The following ATP6V1H variants were observed in gnomAD, a reference collection of about 807,000 sequenced individuals.
The protein encoded by ATP6V1H is V-type proton ATPase subunit H.
Under a neutral mutation model 71.7 loss-of-function variants are expected in ATP6V1H, and 39 were observed. That is an observed-to-expected ratio of 0.54 (90% CI 0.42 to 0.71). The LOEUF is 0.71. ATP6V1H is among the 30% of genes least tolerant of loss of function. The pLI, the probability that ATP6V1H is intolerant of heterozygous loss-of-function variation, is 0.00. For missense variants in ATP6V1H, 509 were observed against 594.9 expected (o/e 0.86, Z 1.50); for synonymous variants, 192 against 199.3 (o/e 0.96, Z 0.31).
chr8:53,745,186 G>A (rs1368242262), intron 12 of ATP6V1H, among the ~76,000 whole-genome samples: 1 of 152,104 alleles, frequency 6.6e-6, no homozygotes, highest in Non-Finnish European at 1.5e-5. Flanking sequence ...CTTGAGCCCA[G>A]GAGTTCGAGA....
At chr8:53,775,362 G>A (rs545030576) in intron 9 of ATP6V1H, among the ~76,000 whole-genome samples, 1 of 152,222 alleles carries the variant, frequency 6.6e-6, no homozygotes, top group African/African-American at 2.4e-5. Flanking sequence ...AAGGGGACCG[G>A]AGCGGGTTGC....
In ATP6V1H at chr8:53,774,146, C is replaced by G. The variant is rs151201099; in HGVS notation, c.871-1979G>C. On this transcript the variant is annotated intron_variant, in intron 9 of 13. Transcript: ENST00000359530. ...TGGCTGCAAGTTTCCCAAATTCAAT[C>G]TCAGAGAAATTTTCAGACACAAGAT... Among the ~76,000 whole-genome samples the G allele has an allele frequency of 2.2e-3, 339 of 152,312 alleles. 2 individuals carry two copies. Among genetic ancestry groups the G allele is most frequent in the African/African-American group, 7.9e-3 (328 of 41,562 alleles).
At chr8:53,767,504 T>C (rs1808510119) in intron 11 of ATP6V1H, among the ~76,000 whole-genome samples, 1 of 152,174 alleles carries the variant, frequency 6.6e-6, no homozygotes, top group South Asian at 2.1e-4. Flanking sequence ...TAGAGACTCA[T>C]TAAATAAAGA....
At chr8:53,720,476 T>A (rs1202294765) in intron 13 of ATP6V1H, among the ~76,000 whole-genome samples, 2 of 152,260 alleles carry the variant, frequency 1.3e-5, no homozygotes, top group African/African-American at 4.8e-5. Context: ...GCTTCTATTC[T>A]GCTAGGAGCT....
chr8:53,744,948 T>C (rs1807547839), intron 12 of ATP6V1H, among the ~76,000 whole-genome samples: 1 of 152,210 alleles, frequency 6.6e-6, no homozygotes, highest in African/African-American at 2.4e-5. Flanking sequence ...ATAAAGCCTA[T>C]GTCCCTGCAG....
intron 9 of ATP6V1H, among the ~76,000 whole-genome samples, chr8:53,776,266 C>T (rs1808886575): frequency 6.6e-6 from 1 of 152,196 alleles, no homozygotes; most frequent in Non-Finnish European, 1.5e-5. Flanking sequence ...CCCTAGTTCC[C>T]GCTCGTGCCT....
At chr8:53,738,625 A>G (rs1807311089) in intron 13 of ATP6V1H, among the ~76,000 whole-genome samples, 1 of 152,226 alleles carries the variant, frequency 6.6e-6, no homozygotes, top group Non-Finnish European at 1.5e-5. Context: ...AATTGATTTT[A>G]TGTTTAATTA....
rs566526585 is a variant in ATP6V1H, at chr8:53,838,409, G to A, written c.113+3169C>T. On this transcript the variant is annotated intron_variant, in intron 2 of 13. Coordinates refer to ENST00000359530, the MANE Select transcript of ATP6V1H (RefSeq NM_015941.4). Reference sequence around the variant, plus strand: ...GCTGGGATTACAGGCGTGAGCCACCGCGCCTGGCCACCTGTGAGTGTCTTT... The same window carrying A: ...GCTGGGATTACAGGCGTGAGCCACCACGCCTGGCCACCTGTGAGTGTCTTT... 2.3e-3 allele frequency among the ~76,000 whole-genome samples: 344 copies of A among 152,212 alleles called. 2 individuals are homozygous for A. The highest frequency in any genetic ancestry group is 7.8e-3 in the African/African-American group (324 of 41,530).
chr8:53,772,915 A>AC (rs1201919725), intron 9 of ATP6V1H, among the ~76,000 whole-genome samples: 2 of 151,552 alleles, frequency 1.3e-5, no homozygotes, highest in African/African-American at 4.9e-5. Flanking sequence ...AAAAAAAAAA[A>AC]AAAAAAACAA....
At chr8:53,742,578 T>A (rs773368828) in intron 13 of ATP6V1H, among the ~76,000 whole-genome samples, 1 of 152,188 alleles carries the variant, frequency 6.6e-6, no homozygotes, top group Admixed American at 6.5e-5. Context: ...GGGTACAGAT[T>A]TGTACACTTA....
intron 13 of ATP6V1H, among the ~76,000 whole-genome samples, chr8:53,734,055 A>G (rs1172174948): frequency 6.6e-6 from 1 of 152,112 alleles, no homozygotes; most frequent in Admixed American, 6.5e-5. Flanking sequence ...AGATAAACTG[A>G]CTCTTGGGCA....
At chr8:53,809,652 A>C (rs1306440541) in intron 7 of ATP6V1H, among the ~76,000 whole-genome samples, 1 of 152,230 alleles carries the variant, frequency 6.6e-6, no homozygotes. Context: ...ATGTCAGCAG[A>C]GTTTGCATTT....
Position 53,801,835 on chromosome 8 carries a change from T to C in ATP6V1H, c.641A>G (p.Tyr214Cys). The C allele has an allele frequency of 1.9e-6, 3 of 1,613,990 alleles. No homozygotes were observed. Among genetic ancestry groups the C allele is most frequent in the South Asian group, 2.2e-5 (2 of 91,068 alleles). The change falls in exon 8 of 14, where the codon TAC (tyrosine) becomes TGC (cysteine). Residue 214 changes from tyrosine (Y) to cysteine (C), a missense_variant. Tyr to Cys is a radical substitution (Grantham distance 194). Coordinates refer to ENST00000359530, the MANE Select transcript of ATP6V1H (RefSeq NM_015941.4). ...CLQLMLRVNE[Y>C]RFAWVEADGV... ...ATCTGCTTCCACCCAAGCAAAGCGG[T>C]ACTCATTGACCCGGAGCATCAGCTG... is the stretch of plus-strand genomic sequence containing the variant.
intron 13 of ATP6V1H, among the ~76,000 whole-genome samples, chr8:53,742,811 A>G (rs1807461779): frequency 6.6e-6 from 1 of 152,192 alleles, no homozygotes; most frequent in African/African-American, 2.4e-5. Context: ...CATTACTGTC[A>G]GTTACAAGCA....
At chr8:53,815,611 G>A (rs1270164593) in intron 5 of ATP6V1H, among the ~76,000 whole-genome samples, 1 of 152,146 alleles carries the variant, frequency 6.6e-6, no homozygotes, top group African/African-American at 2.4e-5. Flanking sequence ...TACAACATAG[G>A]GACTAATGGG....
chr8:53,786,495 C>T (rs1452896553), intron 9 of ATP6V1H, among the ~76,000 whole-genome samples: 1 of 152,104 alleles, frequency 6.6e-6, no homozygotes, highest in East Asian at 1.9e-4. Flanking sequence ...CCGGGTGAGG[C>T]GATGCCTCAC....
intron 12 of ATP6V1H, among the ~76,000 whole-genome samples, chr8:53,756,069 C>CTTTTTTTTTTTT (rs199967847): frequency 5.2e-5 from 5 of 96,576 alleles, no homozygotes; most frequent in South Asian, 7.2e-4. Flanking sequence ...TTTTTCTTTT[C>CTTTTTTTTTTTT]TTTTTTTTTT....
At chr8:53,777,497 A>G (rs1037445657) in intron 9 of ATP6V1H, among the ~76,000 whole-genome samples, 1 of 152,160 alleles carries the variant, frequency 6.6e-6, no homozygotes, top group Non-Finnish European at 1.5e-5. Flanking sequence ...AAAAAAAAAC[A>G]GAACTATATC....
At chr8:53,807,995 T>C (rs1810145355) in intron 7 of ATP6V1H, among the ~76,000 whole-genome samples, 1 of 152,074 alleles carries the variant, frequency 6.6e-6, no homozygotes, top group Admixed American at 6.5e-5. Context: ...CTCCACTAAA[T>C]CAAGAGGCAA....
Sources: allele counts gnomAD v4.1 joint callset (sites outside exome capture counted in the v4.1 genomes callset), GRCh38; gene constraint gnomAD v4.1.1; transcripts MANE v1.5; gene names NCBI Gene and HGNC (gene_info 2026-07-23, HGNC 2026-07-21).